The following SCFD2 variants were observed in gnomAD, a reference collection of about 807,000 sequenced individuals.
SCFD2 encodes sec1 family domain-containing protein 2.
Under a neutral mutation model 58.9 loss-of-function variants are expected in SCFD2, and 54 were observed. The observed-to-expected ratio is 0.92, with a 90% CI of 0.74 to 1.15. SCFD2 has a LOEUF of 1.15. SCFD2 is among the 50% of genes most tolerant of loss of function. SCFD2 has a pLI of 0.00. For missense variants in SCFD2, 805 were observed against 836.6 expected, an observed-to-expected ratio of 0.96 and a Z score of 0.47; for synonymous variants, 321 against 335.9, an observed-to-expected ratio of 0.96 and a Z score of 0.49.
At chr4:53,155,117 G>A (rs1471985486) in intron 4 of SCFD2, among the ~76,000 whole-genome samples, 1 of 152,196 alleles carries the variant, frequency 6.6e-6, no homozygotes, top group Non-Finnish European at 1.5e-5. Context: ...ATTAATACAA[G>A]TGGTTGATGT....
chr4:53,283,560 T>C (rs1731570755), intron 3 of SCFD2, among the ~76,000 whole-genome samples: 1 of 152,074 alleles, frequency 6.6e-6, no homozygotes, highest in African/African-American at 2.4e-5. Context: ...TCACACATTT[T>C]ACATTTGTTT....
intron 5 of SCFD2, among the ~76,000 whole-genome samples, chr4:52,959,557 G>A (rs1720795512): frequency 6.6e-6 from 1 of 152,070 alleles, no homozygotes; most frequent in South Asian, 2.1e-4. Flanking sequence ...AAGAATGCAA[G>A]CCATTCTCTT....
intron 4 of SCFD2, among the ~76,000 whole-genome samples, chr4:53,254,802 ATTTTT>A (rs1189851171): frequency 5.2e-5 from 7 of 134,546 alleles, no homozygotes; most frequent in Non-Finnish European, 8.0e-5. Flanking sequence ...TGTTTATTTT[ATTTTT>A]TTATTTTATT....
At chr4:53,294,780 G>T (rs549791866) in intron 3 of SCFD2, among the ~76,000 whole-genome samples, 6 of 149,958 alleles carry the variant, frequency 4.0e-5, no homozygotes, top group Non-Finnish European at 6.0e-5. Context: ...CAGGTATTGC[G>T]TTTAAGTCTT....
chr4:53,262,334 T>C (rs1202783778), intron 4 of SCFD2, among the ~76,000 whole-genome samples: 1 of 152,200 alleles, frequency 6.6e-6, no homozygotes, highest in African/African-American at 2.4e-5. Context: ...CATCGTGTTA[T>C]TGTTATATAG....
At chr4:52,969,248 T>G (rs560962933) in intron 5 of SCFD2, among the ~76,000 whole-genome samples, 1 of 152,220 alleles carries the variant, frequency 6.6e-6, no homozygotes, top group African/African-American at 2.4e-5. Context: ...CAAGACCCTA[T>G]TGTGGTGGTC....
At chr4:53,271,699 G>A (rs1018463828) in intron 4 of SCFD2, among the ~76,000 whole-genome samples, 4 of 152,116 alleles carry the variant, frequency 2.6e-5, no homozygotes, top group African/African-American at 9.7e-5. Flanking sequence ...CTAACCTCAA[G>A]TGATCCGCCC....
chr4:53,103,494 G>C (rs1724888116), intron 5 of SCFD2, among the ~76,000 whole-genome samples: 1 of 150,636 alleles, frequency 6.6e-6, no homozygotes, highest in African/African-American at 2.4e-5. Context: ...TCTGGATATA[G>C]AATGTTTCAT....
intron 4 of SCFD2, among the ~76,000 whole-genome samples, chr4:53,267,783 G>C (rs566800895): frequency 1.1e-4 from 17 of 152,222 alleles, no homozygotes; most frequent in African/African-American, 3.9e-4. Flanking sequence ...GTTGTTGAAA[G>C]AACCACACCA....
chr4:52,885,949 C>G, intron 7 of SCFD2, 83 bp from the exon 8 acceptor site: 1 of 1,540,254 alleles, frequency 6.5e-7, no homozygotes, highest in South Asian at 1.2e-5. Flanking sequence ...CATTGTCCCT[C>G]TGTAGAAACC....
intron 2 of SCFD2, among the ~76,000 whole-genome samples, chr4:53,337,699 T>C (rs1215226970): frequency 6.6e-6 from 1 of 152,078 alleles, no homozygotes; most frequent in Non-Finnish European, 1.5e-5. Flanking sequence ...GTAAGGTAAA[T>C]TGAGGTAGAT....
chr4:53,037,405 G>A (rs919389970), intron 5 of SCFD2, among the ~76,000 whole-genome samples: 2 of 152,194 alleles, frequency 1.3e-5, no homozygotes, highest in African/African-American at 4.8e-5. Context: ...TTAAAATAAT[G>A]TATGGAGTTT....
chr4:53,208,877 G>A (rs1310526815), intron 4 of SCFD2, among the ~76,000 whole-genome samples: 1 of 152,130 alleles, frequency 6.6e-6, no homozygotes, highest in Admixed American at 6.5e-5. Context: ...AAGAAGCTCG[G>A]CCCTTTGAAA....
At chr4:52,900,986 T>C (rs1238346394) in intron 7 of SCFD2, among the ~76,000 whole-genome samples, 2 of 152,176 alleles carry the variant, frequency 1.3e-5, no homozygotes, top group Non-Finnish European at 2.9e-5. Context: ...GTTAAGCCCA[T>C]TGGAAGAGCA....
At chr4:53,193,380 A>ATTCTGTATATATTCTG (rs1315623891) in intron 4 of SCFD2, among the ~76,000 whole-genome samples, 1 of 152,206 alleles carries the variant, frequency 6.6e-6, no homozygotes, top group East Asian at 1.9e-4. Context: ...ACAGAATACA[A>ATTCTGTATATATTCTG]GTATATTCTG....
chr4:53,310,269 A>G (rs1732651387), intron 3 of SCFD2, among the ~76,000 whole-genome samples: 1 of 152,232 alleles, frequency 6.6e-6, no homozygotes, highest in Admixed American at 6.5e-5. Flanking sequence ...GCTACAAAGA[A>G]AAGACAGTAT....
intron 3 of SCFD2, among the ~76,000 whole-genome samples, chr4:53,281,336 G>A (rs1327763780): frequency 6.6e-6 from 1 of 152,146 alleles, no homozygotes; most frequent in Non-Finnish European, 1.5e-5. Flanking sequence ...CTGATACCAT[G>A]AGCCCTGACT....
chr4:53,208,745 A>G (rs982753153), intron 4 of SCFD2, among the ~76,000 whole-genome samples: 1 of 152,232 alleles, frequency 6.6e-6, no homozygotes, highest in Admixed American at 6.5e-5. Flanking sequence ...GAAAAATCTT[A>G]TAAGTTAAAT....
intron 5 of SCFD2, among the ~76,000 whole-genome samples, chr4:53,136,713 A>G (rs538450961): frequency 5.3e-5 from 8 of 152,342 alleles, no homozygotes; most frequent in African/African-American, 1.7e-4. Flanking sequence ...TATGGAAATC[A>G]GCACACAACT....
Sources: allele counts gnomAD v4.1 joint callset (sites outside exome capture counted in the v4.1 genomes callset), GRCh38; gene constraint gnomAD v4.1.1; transcripts MANE v1.5; gene names NCBI Gene and HGNC (gene_info 2026-07-23, HGNC 2026-07-21).